Variants in SNAP29 observed in about 807,000 individuals in gnomAD.
SNAP29 encodes synaptosomal-associated protein 29.
Under a neutral mutation model 27.9 loss-of-function variants are expected in SNAP29, and 13 were observed. That is an observed-to-expected ratio of 0.47 (90% CI 0.30 to 0.74). The LOEUF is 0.74. SNAP29 is among the 30% of genes least tolerant of loss of function. The pLI is 0.06. For missense variants in SNAP29, 368 were observed against 336.5 expected (o/e 1.09, Z -0.73); for synonymous variants, 119 against 127.1 (o/e 0.94, Z 0.43).
intron 1 of SNAP29, among the ~76,000 whole-genome samples, chr22:20,866,242 C>T (rs1057471537): frequency 2.6e-5 from 4 of 152,322 alleles, no homozygotes; most frequent in Middle Eastern, 6.8e-3. Flanking sequence ...TTCCTGCACC[C>T]TAAGACCCGA....
chr22:20,874,948 G>A (rs1355937513), intron 2 of SNAP29, among the ~76,000 whole-genome samples: 1 of 152,070 alleles, frequency 6.6e-6, no homozygotes, highest in African/African-American at 2.4e-5. Flanking sequence ...TTGGAGGAGT[G>A]GGAAGCTGGC....
chr22:20,861,604 ATTTTTT>A (rs1284778465), intron 1 of SNAP29, among the ~76,000 whole-genome samples: 1 of 151,386 alleles, frequency 6.6e-6, no homozygotes, highest in Non-Finnish European at 1.5e-5. Flanking sequence ...CACCTGGCTA[ATTTTTT>A]TGTTTTTGTT....
At chr22:20,878,715 T>C (rs1469173370) in intron 2 of SNAP29, among the ~76,000 whole-genome samples, 1 of 152,160 alleles carries the variant, frequency 6.6e-6, no homozygotes, top group Non-Finnish European at 1.5e-5. Flanking sequence ...CGAGTAACCC[T>C]GATTCCCAGA....
chr22:20,863,530 T>C (rs1928383658), intron 1 of SNAP29, among the ~76,000 whole-genome samples: 1 of 152,194 alleles, frequency 6.6e-6, no homozygotes, highest in Admixed American at 6.5e-5. Flanking sequence ...GGCCACAGGC[T>C]ATGACCACAA....
At chr22:20,880,964 A>G in intron 2 of SNAP29, 85 bp from the exon 3 acceptor site, 1 of 868,198 alleles carries the variant, frequency 1.2e-6, no homozygotes, top group East Asian at 2.6e-5. Flanking sequence ...TTTAGCACAC[A>G]GGCATTATGT....
rs1929069076 is a variant in SNAP29 at position 20,888,310 on chromosome 22, TTCACA to T, written c.*475_*479del. ...CCACACCTTTGTTTAGGAGTCATCA[TTCACA>T]CACACACACACACACACACACACAC... On this transcript the variant is annotated 3_prime_UTR_variant, in exon 5 of 5. Transcript: ENST00000215730. 2.2e-5 allele frequency: 4 copies of T among 182,428 alleles called. No homozygotes were observed. The highest frequency in any genetic ancestry group is 8.6e-5 in the Admixed American group (1 of 11,686). The allele number at this position is 182,428 out of a possible 1,614,324, so 11.3% of individuals were successfully genotyped here. A position where few individuals can be genotyped will look rare whatever the true frequency, so the allele number is the denominator to read the frequency against.
At chr22:20,869,327 T>C (rs1412483369) in intron 1 of SNAP29, among the ~76,000 whole-genome samples, 7 of 152,068 alleles carry the variant, frequency 4.6e-5, no homozygotes, top group Admixed American at 2.0e-4. Flanking sequence ...AGGGAAGATG[T>C]CTGGGAAGGC....
At chr22:20,860,601 C>A (rs1008818949) in intron 1 of SNAP29, among the ~76,000 whole-genome samples, 3 of 151,916 alleles carry the variant, frequency 2.0e-5, no homozygotes, top group African/African-American at 4.8e-5. Context: ...GAACTCCTGA[C>A]CTCAGGCAGT....
chr22:20,859,340 C>G lies in SNAP29; in HGVS notation c.230C>G (p.Ser77Cys). 2.5e-6 allele frequency: 4 copies of G among 1,610,742 alleles called. No homozygotes were observed. The highest frequency in any genetic ancestry group is 2.2e-5 in the East Asian group (1 of 44,858). ...GAGTCCGAGAAGGTTGGGGTCGCCT[C>G]TTCCGAGGTGAGCCTGGGGCAGGGC... ...MYESEKVGVA[S>C]SEELARQRGV... Residue 77 changes from serine (S) to cysteine (C), a missense_variant, in exon 1 of 5, where the codon TCT (serine) becomes TGT (cysteine). Physicochemically the swap from Ser to Cys is moderately radical, Grantham distance 112 (BLOSUM62 -1). Coordinates refer to ENST00000215730, the MANE Select transcript of SNAP29 (RefSeq NM_004782.4).
chr22:20,867,414 G>T (rs958649744), intron 1 of SNAP29, among the ~76,000 whole-genome samples: 3 of 152,124 alleles, frequency 2.0e-5, no homozygotes, highest in Non-Finnish European at 4.4e-5. Context: ...TGTCTGCCTG[G>T]CCTGTCCTTA....
intron 1 of SNAP29, among the ~76,000 whole-genome samples, chr22:20,867,780 A>C (rs373561125): frequency 9.0e-4 from 137 of 152,306 alleles, no homozygotes; most frequent in African/African-American, 3.0e-3. Flanking sequence ...GTTTGAGAGA[A>C]TGTGTCTCTT....
chr22:20,877,572 C>T (rs774060910), intron 2 of SNAP29, among the ~76,000 whole-genome samples: 9 of 151,816 alleles, frequency 5.9e-5, no homozygotes, highest in South Asian at 2.1e-4. Flanking sequence ...AAAAATTAGC[C>T]GGGCGTAGTG....
intron 2 of SNAP29, among the ~76,000 whole-genome samples, chr22:20,878,103 C>T (rs1928791449): frequency 6.6e-6 from 1 of 152,216 alleles, no homozygotes; most frequent in South Asian, 2.1e-4. Flanking sequence ...CTTGCTCTTG[C>T]AAGTTGGGAG....
intron 2 of SNAP29, among the ~76,000 whole-genome samples, chr22:20,872,229 A>T (rs1928610602): frequency 6.6e-6 from 1 of 150,946 alleles, no homozygotes; most frequent in Non-Finnish European, 1.5e-5. Context: ...TTATTTATTT[A>T]TTTTTTATTT....
intron 2 of SNAP29, among the ~76,000 whole-genome samples, chr22:20,877,566 A>G (rs1333306228): frequency 6.6e-6 from 1 of 151,916 alleles, no homozygotes; most frequent in Non-Finnish European, 1.5e-5. Flanking sequence ...AAAAAAAAAA[A>G]TTAGCCGGGC....
intron 2 of SNAP29, among the ~76,000 whole-genome samples, chr22:20,880,709 T>C (rs1218722423): frequency 6.6e-6 from 1 of 152,104 alleles, no homozygotes; most frequent in Non-Finnish European, 1.5e-5. Flanking sequence ...TTTCTTTTTT[T>C]TCAGTAAAGA....
In SNAP29 at chr22:20,876,622, CAGTGG is replaced by C. The variant is rs1419466946; in HGVS notation, c.435-4426_435-4422del. Among the ~76,000 whole-genome samples, 6 of 147,074 alleles carry C rather than the reference CAGTGG, an allele frequency of 4.1e-5. 1 individual carries two copies. Among genetic ancestry groups the C allele is most frequent in the Non-Finnish European group, 5.9e-5 (4 of 67,374 alleles). ...TCGCTCTGTCACCCAGGCTGGAGTG[CAGTGG>C]CGTGATCTCGGCTCACTGCAAGCTC... On this transcript the variant is annotated intron_variant, in intron 2 of 4. Transcript: ENST00000215730.
chr22:20,870,026 C>G (rs1415140529), intron 1 of SNAP29, among the ~76,000 whole-genome samples: 1 of 152,132 alleles, frequency 6.6e-6, no homozygotes, highest in Non-Finnish European at 1.5e-5. Context: ...GCCTCAGCCT[C>G]CCAAAATGCT....
chr22:20,875,280 A>G (rs1202378995), intron 2 of SNAP29, among the ~76,000 whole-genome samples: 3 of 152,102 alleles, frequency 2.0e-5, no homozygotes, highest in Non-Finnish European at 4.4e-5. Flanking sequence ...CGTTCCCGTC[A>G]AGGTCCCCAA....
Sources: allele counts gnomAD v4.1 joint callset (sites outside exome capture counted in the v4.1 genomes callset), GRCh38; gene constraint gnomAD v4.1.1; transcripts MANE v1.5; gene names NCBI Gene and HGNC (gene_info 2026-07-23, HGNC 2026-07-21).